The following SYNE1 variants were observed in gnomAD, a reference collection of about 807,000 sequenced individuals.
The protein encoded by SYNE1 is nesprin-1.
A neutral mutation model predicts 1,111.0 loss-of-function variants in SYNE1; 616 were observed. The observed-to-expected ratio is 0.55, with a 90% CI of 0.52 to 0.59. The LOEUF is 0.59. Ranked by LOEUF, SYNE1 falls within the 20% of genes least tolerant of loss-of-function variation. The probability of loss-of-function intolerance (pLI) is 0.00; values close to 1 mark genes in which losing one functional copy is unlikely to be tolerated. For missense variants in SYNE1, 10,006 were observed against 10,417.0 expected (o/e 0.96, Z 1.72); for synonymous variants, 3,855 against 3,825.8 (o/e 1.01, Z -0.28).
At position 152,148,392 on chromosome 6, in the gene SYNE1, C is replaced by G. The variant is rs534438075; in HGVS notation, c.24643-14G>C. The G allele has an allele frequency of 6.2e-7, 1 of 1,610,968 alleles. No homozygotes were observed. Among genetic ancestry groups the G allele is most frequent in the Non-Finnish European group, 8.5e-7 (1 of 1,178,910 alleles). On this transcript the variant is annotated splice_polypyrimidine_tract_variant and intron_variant, in intron 136 of 145. Coordinates refer to ENST00000367255, the MANE Select transcript of SYNE1 (RefSeq NM_182961.4). The surrounding 1 kb of genome is among the most constrained non-coding windows in gnomAD (Gnocchi z 4.1). ...ATCGTCTGGGAGCTAGAAGGGAAGT[C>G]AAGGCAACCCTGTCACTGTAGTGGT...
intron 4 of SYNE1, among the ~76,000 whole-genome samples, chr6:152,528,132 T>G (rs1415755799): frequency 5.3e-5 from 8 of 152,186 alleles, no homozygotes; most frequent in Admixed American, 5.2e-4. Flanking sequence ...TTCTTTCTCC[T>G]CTCTTCTTCC....
chr6:152,458,690 T>C (rs1175534394), intron 22 of SYNE1, 67 bp downstream of exon 22: 4 of 1,550,282 alleles, frequency 2.6e-6, no homozygotes, highest in Non-Finnish European at 3.6e-6. Flanking sequence ...TCTATTCCTG[T>C]AAGCAACACC....
intron 2 of SYNE1, among the ~76,000 whole-genome samples, chr6:152,630,748 A>C (rs1490966714): frequency 2.0e-5 from 3 of 152,212 alleles, no homozygotes; most frequent in Non-Finnish European, 4.4e-5. Context: ...TGGAGCTCAC[A>C]GATGATTAAC....
At chr6:152,166,695 G>A (rs2813497) in intron 130 of SYNE1, among the ~76,000 whole-genome samples, 93,072 of 152,068 alleles carry the variant, frequency 0.61, 28,981 homozygotes, top group East Asian at 0.89. Context: ...CCTCTTTCAA[G>A]CAAATGTGTA....
chr6:152,435,637 GT>G, intron 33 of SYNE1: 1 of 414,196 alleles, frequency 2.4e-6, no homozygotes, highest in Non-Finnish European at 4.2e-6. Context: ...TTAAATATTA[GT>G]TCTTTTTCAA....
intron 14 of SYNE1, among the ~76,000 whole-genome samples, chr6:152,476,860 C>A (rs1313082078): frequency 2.8e-5 from 2 of 71,140 alleles, no homozygotes; most frequent in African/African-American, 5.9e-5. Flanking sequence ...CAGAGCCAGA[C>A]CCTATCTAAA....
intron 11 of SYNE1, among the ~76,000 whole-genome samples, chr6:152,490,218 T>C (rs1173429726): frequency 1.3e-5 from 2 of 152,206 alleles, no homozygotes; most frequent in Non-Finnish European, 2.9e-5. Flanking sequence ...AGGATATGTG[T>C]AGGTTATATG....
chr6:152,293,117 T>G (rs1291796291), intron 95 of SYNE1, among the ~76,000 whole-genome samples: 1 of 152,224 alleles, frequency 6.6e-6, no homozygotes, highest in Admixed American at 6.5e-5. Context: ...AATCACAAGA[T>G]GAGACTTAGA....
At chr6:152,194,011 G>GAAA (rs139484534) in intron 127 of SYNE1, among the ~76,000 whole-genome samples, 1 of 134,194 alleles carries the variant, frequency 7.5e-6, no homozygotes. Flanking sequence ...AGACTGTCTC[G>GAAA]AAAAAAAAAA....
chr6:152,319,143 G>T (rs983780605), intron 84 of SYNE1, 128 bp from the exon 85 acceptor site: 3 of 1,296,674 alleles, frequency 2.3e-6, no homozygotes, highest in Admixed American at 4.1e-5. Context: ...GGTCACACCA[G>T]CGATGTGCGA....
chr6:152,146,177 C>A (rs2059481385), intron 137 of SYNE1: 1 of 155,484 alleles, frequency 6.4e-6, no homozygotes, highest in Non-Finnish European at 1.4e-5. Context: ...AACTGAGGCA[C>A]AGAGGAATTA....
intron 81 of SYNE1, among the ~76,000 whole-genome samples, chr6:152,323,997 A>C (rs2095968218): frequency 6.6e-6 from 1 of 152,228 alleles, no homozygotes; most frequent in African/African-American, 2.4e-5. Context: ...AAAGCTTTAA[A>C]AAAAAACTAA....
rs748682472 is a variant in SYNE1 at position 152,180,238 on chromosome 6, A to T, written c.23358T>A (p.Ser7786Arg). The change falls in exon 129 of 146, where the codon AGT becomes AGA. Residue 7786 changes from serine to arginine, a missense_variant. Ser to Arg is a moderately radical substitution (Grantham distance 110). This residue lies in a region of SYNE1 where 2,182 missense variants were observed against 2,287.8 expected (regional missense o/e 0.95). Coordinates refer to ENST00000367255, the MANE Select transcript of SYNE1 (RefSeq NM_182961.4). ...ACTCACAGAGTTCCTTGTTCTTTTC[A>T]CTGAAGACTGCCCATTCATTCAATC... ...GERLNEWAVF[S>R]EKNKELCEWL... 5.6e-5 allele frequency: 90 copies of T among 1,613,994 alleles called. No homozygotes were observed. Among genetic ancestry groups the T allele is most frequent in the Non-Finnish European group, 7.4e-5 (87 of 1,180,004 alleles).
At chr6:152,261,063 C>T (rs1256584356) in intron 101 of SYNE1, among the ~76,000 whole-genome samples, 1 of 152,182 alleles carries the variant, frequency 6.6e-6, no homozygotes, top group Non-Finnish European at 1.5e-5. Flanking sequence ...CGTTTCCCTC[C>T]TCCAATTCAC....
At position 152,325,307 on chromosome 6, in the gene SYNE1, G is replaced by A. The variant is rs778236692; in HGVS notation, c.15439-5C>T. On this transcript the variant is annotated splice_polypyrimidine_tract_variant and splice_region_variant and intron_variant, in intron 80 of 145. Coordinates refer to ENST00000367255, the MANE Select transcript of SYNE1 (RefSeq NM_182961.4). Reference sequence around the variant, plus strand: ...GTTAACCACTGACACTAAAGCCTAGGGTTGGGGGTGGAGGACGGAAGAGAG... The same window carrying A: ...GTTAACCACTGACACTAAAGCCTAGAGTTGGGGGTGGAGGACGGAAGAGAG... The A allele has an allele frequency of 6.2e-7, 1 of 1,613,920 alleles. No homozygotes were observed. Among genetic ancestry groups the A allele is most frequent in the East Asian group, 2.2e-5 (1 of 44,874 alleles).
At chr6:152,303,544 T>C (rs553115203) in intron 91 of SYNE1, among the ~76,000 whole-genome samples, 2 of 152,096 alleles carry the variant, frequency 1.3e-5, no homozygotes, top group South Asian at 2.1e-4. Context: ...CACATAGTCA[T>C]CCCTCAGTAA....
At chr6:152,450,562 G>A in intron 27 of SYNE1, 63 bp downstream of exon 27, 1 of 1,328,510 alleles carries the variant, frequency 7.5e-7, no homozygotes, top group Non-Finnish European at 1.1e-6. Context: ...GTTTTGTCAT[G>A]ATCTCCGAAC....
intron 18 of SYNE1, 61 bp downstream of exon 18, chr6:152,465,197 T>C (rs2154269612): frequency 1.3e-6 from 2 of 1,571,970 alleles, no homozygotes; most frequent in Non-Finnish European, 1.7e-6. Flanking sequence ...AGCTACGCTG[T>C]AAAAGTCTCT....
chr6:152,482,977 T>G, intron 14 of SYNE1, 108 bp downstream of exon 14: 1 of 1,244,022 alleles, frequency 8.0e-7, no homozygotes, highest in South Asian at 1.2e-5. Flanking sequence ...TCCGATCATG[T>G]AGAATTAATA....
Sources: gnomAD v4.1 joint callset for allele counts (sites outside exome capture counted in the v4.1 genomes callset) on GRCh38, gnomAD v4.1.1 for gene constraint, gnomAD v4.1.1 regional missense constraint, Gnocchi (gnomAD v3.1) non-coding constraint, MANE v1.5 for transcripts, NCBI Gene and HGNC (gene_info 2026-07-23, HGNC 2026-07-21) for gene names.